The following PIAS1 variants were observed in gnomAD, a reference collection of about 807,000 sequenced individuals.
The protein encoded by PIAS1 is protein inhibitor of activated STAT 1.
A neutral mutation model predicts 71.3 loss-of-function variants in PIAS1; 6 were observed. The ratio of observed to expected loss-of-function variants is 0.08; its 90% CI spans 0.05 to 0.17. The LOEUF (loss-of-function observed/expected upper bound fraction) is 0.17, where lower values mean the gene tolerates loss of function less well. Among genes scored for constraint, PIAS1 ranks in the 10% least tolerant of loss-of-function variants. The probability of loss-of-function intolerance (pLI) is 1.00; values close to 1 mark genes in which losing one functional copy is unlikely to be tolerated. For synonymous variants in PIAS1, 303 were observed against 292.9 expected (o/e 1.03, Z -0.35); for missense variants, 555 against 793.6 (o/e 0.70, Z 3.61).
In PIAS1 at chr15:68,121,474, G is replaced by GT. The variant is rs200188296; in HGVS notation, c.470-20465dup. The stretch of plus-strand genomic sequence containing the variant: ...TTTGCTTTGGTGTTGCTTTATTCTT[G>GT]TTTTTTTGTGCATAGGGTTTATTGA... On this transcript the variant is annotated intron_variant, in intron 2 of 13. Coordinates refer to ENST00000249636, the MANE Select transcript of PIAS1 (RefSeq NM_016166.3). Among the ~76,000 whole-genome samples, 944 of 151,782 alleles carry GT rather than the reference G, an allele frequency of 6.2e-3. 4 individuals carry two copies. The highest frequency in any genetic ancestry group is 0.032 in the East Asian group (166 of 5,152).
At chr15:68,096,576 A>G (rs1199483491) in intron 2 of PIAS1, among the ~76,000 whole-genome samples, 1 of 151,038 alleles carries the variant, frequency 6.6e-6, no homozygotes, top group Non-Finnish European at 1.5e-5. Context: ...CCTTTTTTTT[A>G]TATTTTTAAT....
At chr15:68,111,298 G>A (rs1010324432) in intron 2 of PIAS1, among the ~76,000 whole-genome samples, 1 of 152,136 alleles carries the variant, frequency 6.6e-6, no homozygotes, top group African/African-American at 2.4e-5. Flanking sequence ...ACTAGAAGGC[G>A]AAGTTGGGTG....
rs926466580 is a variant in PIAS1, at chr15:68,054,621, A to C, written c.24+271A>C. ...GGGGGTGGCGGGGGAAGAGATAGGG[A>C]GTCCGGAGGTAGGGGCTGCAGCTGT... is the stretch of plus-strand genomic sequence containing the variant. On this transcript the variant is annotated intron_variant, in intron 1 of 13. Transcript: ENST00000249636. This position sits in a 1 kb window ranked among gnomAD's most constrained non-coding sequence, Gnocchi z 4.6. 2 of 385,586 alleles carry C rather than the reference A, an allele frequency of 5.2e-6. No individual in the cohort carries two copies. Among genetic ancestry groups the C allele is most frequent in the Non-Finnish European group, 9.3e-6 (2 of 215,442 alleles). The allele number at this position is 385,586 out of a possible 1,614,324, so 23.9% of individuals were successfully genotyped here.
rs1226745411 is a variant in PIAS1 at position 68,186,933 on chromosome 15, C to T, written c.1663-609C>T. On this transcript the variant is annotated intron_variant, in intron 13 of 13. Coordinates refer to ENST00000249636, the MANE Select transcript of PIAS1 (RefSeq NM_016166.3). The surrounding 1 kb of genome is among the most constrained non-coding windows in gnomAD (Gnocchi z 4.4). The stretch of plus-strand genomic sequence containing the variant: ...ACAGCCACAAAACCGCCTAATGATG[C>T]ATTTCTCAAAACACATCCGTGTCAT... Among the ~76,000 whole-genome samples, 1 of 152,224 alleles carries T rather than the reference C, an allele frequency of 6.6e-6. No homozygotes were observed. Among genetic ancestry groups the T allele is most frequent in the Non-Finnish European group, 1.5e-5 (1 of 68,038 alleles).
intron 1 of PIAS1, among the ~76,000 whole-genome samples, chr15:68,074,731 A>G (rs1475012493): frequency 6.6e-6 from 1 of 152,174 alleles, no homozygotes; most frequent in African/African-American, 2.4e-5. Flanking sequence ...GACATGGACA[A>G]TTAAACTTTT....
rs189966859 is a variant in PIAS1 at position 68,185,655 on chromosome 15, C to A, written c.1663-1887C>A. On this transcript the variant is annotated intron_variant, in intron 13 of 13. Coordinates refer to ENST00000249636, the MANE Select transcript of PIAS1 (RefSeq NM_016166.3). This position sits in a 1 kb window ranked among gnomAD's most constrained non-coding sequence, Gnocchi z 4.4. ...AGCTTTTGCAGACCTCAACAAGCTC[C>A]TTAAAAAATTTAAAAACATGGGCCC... 2.6e-5 allele frequency among the ~76,000 whole-genome samples: 4 copies of A among 152,270 alleles called. No homozygotes were observed. The East Asian group carries it at 7.7e-4, about 29-fold the overall frequency.
chr15:68,059,612 G>T (rs547612198), intron 1 of PIAS1, among the ~76,000 whole-genome samples: 2 of 150,804 alleles, frequency 1.3e-5, no homozygotes, highest in East Asian at 3.9e-4. Flanking sequence ...TCAGGAGGCT[G>T]AGGCAGGAGA....
At chr15:68,177,146 G>T (rs940529072) in intron 11 of PIAS1, among the ~76,000 whole-genome samples, 6 of 151,966 alleles carry the variant, frequency 3.9e-5, no homozygotes, top group African/African-American at 1.5e-4. Context: ...AAGCGTGGTG[G>T]CATGCGCCTG....
chr15:68,165,976 T>TA (rs2092955250), intron 8 of PIAS1, among the ~76,000 whole-genome samples: 1 of 152,146 alleles, frequency 6.6e-6, no homozygotes, highest in Non-Finnish European at 1.5e-5. Flanking sequence ...ACTGTATTCT[T>TA]AAAGAAACAA....
In PIAS1 at chr15:68,193,488, C is replaced by A. The variant is rs139922666; in HGVS notation, c.*5653C>A. 6.5e-6 allele frequency: 1 copy of A among 153,390 alleles called. No individual in the cohort carries two copies. The highest frequency in any genetic ancestry group is 1.5e-5 in the Non-Finnish European group (1 of 68,712). The allele number at this position is 153,390 out of a possible 1,614,324, so 9.5% of individuals were successfully genotyped here. ...GCAAGAATTGTTGTCATAAGTGTTA[C>A]AGCTTTCTGTTCATTGCTGCTTCTC... is the stretch of plus-strand genomic sequence containing the variant. On this transcript the variant is annotated 3_prime_UTR_variant, in exon 14 of 14. Transcript: ENST00000249636.
intron 2 of PIAS1, among the ~76,000 whole-genome samples, chr15:68,090,654 C>G (rs1280366368): frequency 6.6e-6 from 1 of 151,914 alleles, no homozygotes; most frequent in Non-Finnish European, 1.5e-5. Flanking sequence ...CACAACTGAG[C>G]CATACCACAC....
At position 68,167,615 on chromosome 15, in the gene PIAS1, C is replaced by T. The variant is rs909121639; in HGVS notation, c.1008+2811C>T. On this transcript the variant is annotated intron_variant, in intron 8 of 13. Transcript: ENST00000249636. The surrounding 1 kb of genome is among the most constrained non-coding windows in gnomAD (Gnocchi z 4.4). ...GCTTTGTAAACCCAAATACAAATAACGTGGAATTGATAGAAGAAAAGAAGA... is the reference window on the plus strand; with the variant it reads ...GCTTTGTAAACCCAAATACAAATAATGTGGAATTGATAGAAGAAAAGAAGA... Among the ~76,000 whole-genome samples, 1 of 151,870 alleles carries T rather than the reference C, an allele frequency of 6.6e-6. No homozygotes were observed. Among genetic ancestry groups the T allele is most frequent in the African/African-American group, 2.4e-5 (1 of 41,310 alleles).
At chr15:68,154,846 G>GGT (rs1194692016) in intron 7 of PIAS1, among the ~76,000 whole-genome samples, 2 of 152,156 alleles carry the variant, frequency 1.3e-5, no homozygotes, top group Admixed American at 1.3e-4. Context: ...ATAAGAAGAT[G>GGT]GTAGGGATCC....
chr15:68,119,996 A>G (rs1595740703), intron 2 of PIAS1, among the ~76,000 whole-genome samples: 1 of 152,086 alleles, frequency 6.6e-6, no homozygotes, highest in Admixed American at 6.6e-5. Context: ...TTTTTTAAAG[A>G]TGGGGTCTAC....
intron 4 of PIAS1, among the ~76,000 whole-genome samples, chr15:68,145,426 T>G (rs1365753641): frequency 6.6e-6 from 1 of 152,296 alleles, no homozygotes; most frequent in East Asian, 1.9e-4. Context: ...TATTAAAAGC[T>G]CTGAAAAGTT....
chr15:68,055,168 A>T (rs2096307899), intron 1 of PIAS1: 1 of 983,122 alleles, frequency 1.0e-6, no homozygotes, highest in Admixed American at 6.2e-5. Context: ...GCTGGTGTGG[A>T]GGGTGAGAGG....
chr15:68,105,805 TA>T (rs1041774912), intron 2 of PIAS1, among the ~76,000 whole-genome samples: 2 of 152,032 alleles, frequency 1.3e-5, no homozygotes, highest in African/African-American at 4.8e-5. Context: ...ACGCCATCTC[TA>T]AAAAAAATTT....
intron 1 of PIAS1, among the ~76,000 whole-genome samples, chr15:68,077,961 T>G (rs2092187676): frequency 6.6e-6 from 1 of 152,222 alleles, no homozygotes. Flanking sequence ...TGTTAATACG[T>G]GTTTCTTCTT....
At chr15:68,149,076 GTTTTGTTTTGT>G (rs776891355) in intron 6 of PIAS1, among the ~76,000 whole-genome samples, 2 of 152,102 alleles carry the variant, frequency 1.3e-5, no homozygotes, top group Non-Finnish European at 2.9e-5. Flanking sequence ...GTGTGGGTGT[GTTTTGTTTTGT>G]TTTTGTTTTG....
Sources: gnomAD v4.1 joint callset for allele counts (sites outside exome capture counted in the v4.1 genomes callset) on GRCh38, gnomAD v4.1.1 for gene constraint, Gnocchi (gnomAD v3.1) non-coding constraint, MANE v1.5 for transcripts, NCBI Gene and HGNC (gene_info 2026-07-23, HGNC 2026-07-21) for gene names.